The following FER variants were observed in gnomAD, a reference collection of about 807,000 sequenced individuals.
FER encodes FER tyrosine kinase, also known as tyrosine-protein kinase Fer.
Under a neutral mutation model 111.0 loss-of-function variants are expected in FER, and 63 were observed. The observed-to-expected ratio is 0.57, with a 90% CI of 0.46 to 0.70. FER has a LOEUF of 0.70. Ranked by LOEUF, FER falls within the 30% of genes least tolerant of loss-of-function variation. The pLI is 0.00. For missense variants in FER, 914 were observed against 954.0 expected (o/e 0.96, Z 0.55); for synonymous variants, 327 against 313.9 (o/e 1.04, Z -0.44).
At chr5:108,865,292 A>G (rs1399833306) in intron 5 of FER, among the ~76,000 whole-genome samples, 4 of 152,310 alleles carry the variant, frequency 2.6e-5, no homozygotes, top group South Asian at 2.1e-4. Flanking sequence ...CAATCATGTC[A>G]TCTGCAAACA....
intron 2 of FER, among the ~76,000 whole-genome samples, chr5:108,791,998 A>G (rs770370249): frequency 1.1e-4 from 17 of 152,342 alleles, no homozygotes; most frequent in Admixed American, 7.2e-4. Flanking sequence ...CCATAAATGT[A>G]AAGATTTGCA....
At chr5:108,792,396 G>A (rs368967308) in intron 2 of FER, among the ~76,000 whole-genome samples, 1 of 152,156 alleles carries the variant, frequency 6.6e-6, no homozygotes, top group Non-Finnish European at 1.5e-5. Context: ...CTGGAGTGCA[G>A]TGGGCGTGAT....
intron 2 of FER, among the ~76,000 whole-genome samples, chr5:108,795,571 C>G (rs1488611559): frequency 6.6e-6 from 1 of 151,660 alleles, no homozygotes; most frequent in Non-Finnish European, 1.5e-5. Context: ...GTTGTTGTTC[C>G]CTCTGACTAT....
At chr5:109,145,236 G>A (rs1043303353) in intron 17 of FER, among the ~76,000 whole-genome samples, 8 of 151,930 alleles carry the variant, frequency 5.3e-5, no homozygotes, top group African/African-American at 1.9e-4. Flanking sequence ...AGTATGTCCT[G>A]AAGAACAAGG....
intron 6 of FER, among the ~76,000 whole-genome samples, chr5:108,868,544 G>A (rs1394211333): frequency 6.6e-6 from 1 of 152,020 alleles, no homozygotes; most frequent in African/African-American, 2.4e-5. Flanking sequence ...TCATCCTTTG[G>A]TAGACCCTAT....
At chr5:108,858,724 A>G (rs1252620620) in intron 5 of FER, among the ~76,000 whole-genome samples, 1 of 149,582 alleles carries the variant, frequency 6.7e-6, no homozygotes, top group African/African-American at 2.5e-5. Context: ...TTGATAATGC[A>G]TCTTGAAAAT....
intron 17 of FER, among the ~76,000 whole-genome samples, chr5:109,131,362 C>G (rs746984706): frequency 1.7e-4 from 26 of 152,066 alleles, no homozygotes; most frequent in Non-Finnish European, 1.9e-4. Context: ...AATTTTACAG[C>G]TGTTGAGTTC....
chr5:108,903,216 A>G (rs1020824788), intron 10 of FER, among the ~76,000 whole-genome samples: 1 of 152,202 alleles, frequency 6.6e-6, no homozygotes, highest in African/African-American at 2.4e-5. Context: ...TGTTTCTGAA[A>G]TTGCACATTT....
At chr5:108,959,779 T>C (rs7734092) in intron 13 of FER, among the ~76,000 whole-genome samples, 21,521 of 152,022 alleles carry the variant, frequency 0.14, 1,973 homozygotes, top group African/African-American at 0.26. Flanking sequence ...CTATTAAAAA[T>C]TAGTCTACTC....
chr5:108,879,313 T>C (rs920093834), intron 8 of FER, among the ~76,000 whole-genome samples: 3 of 152,114 alleles, frequency 2.0e-5, no homozygotes, highest in African/African-American at 7.2e-5. Context: ...ACGTGTGCCA[T>C]GGTGGTTTGC....
At chr5:109,150,340 C>T (rs947507236) in intron 17 of FER, among the ~76,000 whole-genome samples, 12 of 152,268 alleles carry the variant, frequency 7.9e-5, no homozygotes, top group African/African-American at 2.9e-4. Context: ...ACTTTCACTT[C>T]CTCTGGAGCA....
chr5:109,101,114 CTTT>C (rs1281220603), intron 17 of FER, among the ~76,000 whole-genome samples: 34 of 151,974 alleles, frequency 2.2e-4, no homozygotes, highest in South Asian at 8.3e-4. Flanking sequence ...GGTCTTAATG[CTTT>C]ATACATTGTG....
In FER at chr5:109,193,548, T is replaced by G. The variant is rs1759524398; in HGVS notation, c.*5973T>G. The G allele has an allele frequency of 6.6e-6, 1 of 152,236 alleles. No individual in the cohort carries two copies. Among genetic ancestry groups the G allele is most frequent in the Non-Finnish European group, 1.5e-5 (1 of 67,984 alleles). 9.4% of individuals were successfully genotyped at this position (152,236 alleles called of 1,614,324 possible). ...GCAAGTGTTCTACAAAATAATGAAC[T>G]GTTCTAAGTGACAGTGTTGATGCTG... On this transcript the variant is annotated 3_prime_UTR_variant, in exon 20 of 20. Coordinates refer to ENST00000281092, the MANE Select transcript of FER (RefSeq NM_005246.4).
chr5:109,187,061 C>T (rs542102646), intron 19 of FER, among the ~76,000 whole-genome samples: 1 of 152,088 alleles, frequency 6.6e-6, no homozygotes, highest in Non-Finnish European at 1.5e-5. Context: ...ATTGAATTCA[C>T]ATTTATAAAA....
chr5:108,903,151 AAAATG>A lies in FER; in HGVS notation c.1236+5306_1236+5310del, dbSNP rs1256878314. ...ATATGTCTAGAATTTATGGCACCAT[AAAATG>A]AATTTCTACTTTATAAATGTAATTA... On this transcript the variant is annotated intron_variant, in intron 10 of 19. Transcript: ENST00000281092. Among the ~76,000 whole-genome samples, 5 of 152,320 alleles carry A rather than the reference AAAATG, an allele frequency of 3.3e-5. No individual in the cohort carries two copies. In the East Asian group the frequency reaches 9.6e-4, roughly 29 times the overall value.
At chr5:109,118,965 G>T (rs1240713543) in intron 17 of FER, among the ~76,000 whole-genome samples, 1 of 151,472 alleles carries the variant, frequency 6.6e-6, no homozygotes, top group Non-Finnish European at 1.5e-5. Context: ...CCAGCTGCTG[G>T]ATTCATTGAT....
At chr5:108,770,044 G>T (rs1752726087) in intron 2 of FER, among the ~76,000 whole-genome samples, 1 of 152,150 alleles carries the variant, frequency 6.6e-6, no homozygotes. Flanking sequence ...CACCTCTTGA[G>T]TTCAAGCGAT....
chr5:109,104,151 T>C (rs1748597192), intron 17 of FER, among the ~76,000 whole-genome samples: 1 of 152,240 alleles, frequency 6.6e-6, no homozygotes, highest in Non-Finnish European at 1.5e-5. Context: ...TTGGTTGCTC[T>C]AACACAGTGA....
At chr5:108,780,956 A>G (rs1754006294) in intron 2 of FER, among the ~76,000 whole-genome samples, 1 of 151,904 alleles carries the variant, frequency 6.6e-6, no homozygotes, top group Non-Finnish European at 1.5e-5. Context: ...CAACATAGGC[A>G]TTCTTCATTT....
Sources: allele counts gnomAD v4.1 joint callset (sites outside exome capture counted in the v4.1 genomes callset), GRCh38; gene constraint gnomAD v4.1.1; transcripts MANE v1.5; gene names NCBI Gene and HGNC (gene_info 2026-07-23, HGNC 2026-07-21).